Variants in CPNE1 observed in about 807,000 individuals in gnomAD.
CPNE1 encodes the protein copine 1, also known as copine-1.
CPNE1 carries 58 observed loss-of-function variants against 63.2 expected under a neutral mutation model. The ratio of observed to expected loss-of-function variants is 0.92; its 90% CI spans 0.74 to 1.14. The LOEUF is 1.14. Among genes scored for constraint, CPNE1 ranks in the 50% most tolerant of loss-of-function variants. The pLI, the probability that CPNE1 is intolerant of heterozygous loss-of-function variation, is 0.00. For missense variants in CPNE1, 672 were observed against 661.7 expected (o/e 1.02, Z -0.17); for synonymous variants, 237 against 249.0 (o/e 0.95, Z 0.45).
intron 1 of CPNE1, among the ~76,000 whole-genome samples, chr20:35,642,532 G>C (rs553457200): frequency 6.6e-6 from 1 of 152,190 alleles, no homozygotes; most frequent in Non-Finnish European, 1.5e-5. Flanking sequence ...ATTGTTTCCC[G>C]TAAGACTGAA....
In CPNE1 at chr20:35,659,571, T is replaced by C. The variant is rs185571251; in HGVS notation, c.-1+5189A>G. On this transcript the variant is annotated intron_variant, in intron 1 of 15. Transcript: ENST00000397443. Reference sequence around the variant, plus strand: ...TATGAGTTCTTGCTATAAGGACTAATTCCACTGGAGCTCAAAATATTAACA... The same window carrying C: ...TATGAGTTCTTGCTATAAGGACTAACTCCACTGGAGCTCAAAATATTAACA... Among the ~76,000 whole-genome samples the C allele has an allele frequency of 9.8e-5, 15 of 152,326 alleles. No individual in the cohort carries two copies. The East Asian group carries it at 1.5e-3, about 16-fold the overall frequency.
Position 35,626,794 on chromosome 20 carries a change from TG to T in CPNE1, c.1245del (p.Phe415LeufsTer6). The T allele has an allele frequency of 2.5e-6, 4 of 1,613,520 alleles. No homozygotes were observed. The highest frequency in any genetic ancestry group is 1.7e-6 in the Non-Finnish European group (2 of 1,179,488). The stretch of plus-strand genomic sequence containing the variant: ...GCACCATCAGTCAGCAGCAACAGCA[TG>T]AAGTATTGCTGGGGACAAGCCCATT... ...AAHQGTASQY[F>X]MLLLLTDGAV... On this transcript the variant is annotated frameshift_variant, in exon 15 of 16. Transcript: ENST00000397443. LOFTEE classifies it high-confidence loss of function.
intron 1 of CPNE1, among the ~76,000 whole-genome samples, chr20:35,661,391 T>C (rs983669627): frequency 6.6e-6 from 1 of 152,214 alleles, no homozygotes. Flanking sequence ...TGCTGAACTT[T>C]AGAAGGATAA....
At chr20:35,653,770 C>T (rs1351984201) in intron 1 of CPNE1, 4 of 1,613,916 alleles carry the variant, frequency 2.5e-6, no homozygotes, top group South Asian at 1.1e-5. Flanking sequence ...CAGTCTTTTT[C>T]GAATCATATC....
At chr20:35,640,467 T>C (rs776232916) in intron 1 of CPNE1, among the ~76,000 whole-genome samples, 1 of 152,156 alleles carries the variant, frequency 6.6e-6, no homozygotes, top group Non-Finnish European at 1.5e-5. Context: ...AAATTTGTCA[T>C]TTATTTTTGT....
At chr20:35,661,884 T>G (rs2034248824) in intron 1 of CPNE1, among the ~76,000 whole-genome samples, 2 of 152,204 alleles carry the variant, frequency 1.3e-5, no homozygotes, top group Admixed American at 1.3e-4. Context: ...CAGAGCTAGG[T>G]TCTTCAGATC....
chr20:35,640,350 A>G (rs2032732890), intron 1 of CPNE1, among the ~76,000 whole-genome samples: 2 of 152,124 alleles, frequency 1.3e-5, no homozygotes, highest in Admixed American at 1.3e-4. Flanking sequence ...AGACTCATGT[A>G]TTTTTCATAT....
intron 1 of CPNE1, among the ~76,000 whole-genome samples, chr20:35,633,936 G>GGGACCGAGGTTGACTCTGT (rs1171308380): frequency 5.2e-5 from 7 of 133,938 alleles, no homozygotes; most frequent in East Asian, 2.3e-4. Context: ...TCCAGCCTGG[G>GGGACCGAGGTTGACTCTGT]CAACAAGAGC....
intron 13 of CPNE1, among the ~76,000 whole-genome samples, chr20:35,629,050 ATGTG>A (rs759392117): frequency 2.6e-4 from 39 of 152,368 alleles, no homozygotes; most frequent in Non-Finnish European, 4.0e-4. Flanking sequence ...AAATGTGTGA[ATGTG>A]TGTGTATATG....
At chr20:35,660,854 T>C (rs1455218348) in intron 1 of CPNE1, among the ~76,000 whole-genome samples, 1 of 152,194 alleles carries the variant, frequency 6.6e-6, no homozygotes, top group African/African-American at 2.4e-5. Flanking sequence ...AGATACCGTA[T>C]GTCTATCTTG....
intron 1 of CPNE1, chr20:35,652,352 C>G: frequency 2.9e-6 from 2 of 698,520 alleles, no homozygotes; most frequent in Non-Finnish European, 4.7e-6. Flanking sequence ...CAATGTTTAT[C>G]CTGGTGAGTG....
chr20:35,627,113 A>G (rs2031796826), intron 14 of CPNE1, among the ~76,000 whole-genome samples, 167 bp downstream of exon 14: 1 of 144,666 alleles, frequency 6.9e-6, no homozygotes, highest in Non-Finnish European at 1.5e-5. Flanking sequence ...ACTTGAACCC[A>G]GGAGGTGCAG....
intron 1 of CPNE1, among the ~76,000 whole-genome samples, chr20:35,660,565 C>T (rs1226535528): frequency 6.6e-6 from 1 of 152,092 alleles, no homozygotes; most frequent in African/African-American, 2.4e-5. Flanking sequence ...ATTTGAAAGC[C>T]ATATCTAGTA....
intron 1 of CPNE1, 123 bp from the exon 2 acceptor site, chr20:35,633,046 G>A (rs532923699): frequency 3.2e-5 from 23 of 715,774 alleles, no homozygotes; most frequent in African/African-American, 2.3e-4. Flanking sequence ...GTCCACCCCC[G>A]TGACACCCAA....
At chr20:35,661,278 A>G (rs781362557) in intron 1 of CPNE1, among the ~76,000 whole-genome samples, 135 of 152,348 alleles carry the variant, frequency 8.9e-4, no homozygotes, top group South Asian at 2.1e-3. Flanking sequence ...AGAATTTAAC[A>G]TAAGTGTCAC....
At chr20:35,658,866 T>C (rs1241111787) in intron 1 of CPNE1, 22 of 703,632 alleles carry the variant, frequency 3.1e-5, no homozygotes, top group Non-Finnish European at 5.5e-5. Flanking sequence ...TATTTTCATA[T>C]TTCTTAATAA....
chr20:35,651,334 G>A (rs916718255), intron 1 of CPNE1: 1 of 152,172 alleles, frequency 6.6e-6, no homozygotes, highest in Non-Finnish European at 1.5e-5. Flanking sequence ...AAAGGGTCAA[G>A]AATCTCAATT....
intron 1 of CPNE1, among the ~76,000 whole-genome samples, chr20:35,657,408 G>A (rs1477934234): frequency 3.9e-5 from 6 of 152,058 alleles, no homozygotes; most frequent in South Asian, 4.1e-4. Context: ...TTCAAAAAAC[G>A]GTTAATCACT....
At chr20:35,642,589 C>CCCCATCAAAGGA (rs1568922571) in intron 1 of CPNE1, among the ~76,000 whole-genome samples, 1 of 152,134 alleles carries the variant, frequency 6.6e-6, no homozygotes, top group South Asian at 2.1e-4. Flanking sequence ...TCCTTTTTGG[C>CCCCATCAAAGGA]CCCATCAAAG....
Sources: gnomAD v4.1 joint callset for allele counts (sites outside exome capture counted in the v4.1 genomes callset) on GRCh38, gnomAD v4.1.1 for gene constraint, MANE v1.5 for transcripts, NCBI Gene and HGNC (gene_info 2026-07-23, HGNC 2026-07-21) for gene names.